Variants in CDKL4 observed in about 807,000 individuals in gnomAD.
CDKL4 encodes cyclin dependent kinase like 4.
In CDKL4, 44 loss-of-function variants were observed where a neutral mutation model predicts 42.0. The ratio of observed to expected loss-of-function variants is 1.05; its 90% confidence interval spans 0.82 to 1.35. The LOEUF (loss-of-function observed/expected upper bound fraction) is 1.35. Among genes scored for constraint, CDKL4 ranks in the 40% most tolerant of loss-of-function variants. CDKL4 has a pLI of 0.00. For missense variants in CDKL4, 393 were observed against 369.9 expected (o/e 1.06, Z -0.51); for synonymous variants, 120 against 121.6 (o/e 0.99, Z 0.09).
rs575456609 is a variant in CDKL4 at position 39,212,752 on chromosome 2, T to G, written c.363+648A>C. ...TCAGCTCACTGCAACCTCTGCCTCC[T>G]GGGTTCAAGTGATTCTCCAGCTCCA... On this transcript the variant is annotated intron_variant, in intron 4 of 9. Transcript: ENST00000451199. Among the ~76,000 whole-genome samples the G allele has an allele frequency of 6.2e-4, 95 of 152,260 alleles. 1 individual carries two copies. The highest frequency in any genetic ancestry group is 2.1e-3 in the African/African-American group (89 of 41,554).
chr2:39,246,407 T>A (rs4488638), upstream of CDKL4, among the ~76,000 whole-genome samples: 1 of 152,064 alleles, frequency 6.6e-6, no homozygotes, highest in Admixed American at 6.5e-5. Context: ...TATCACCTTA[T>A]GTACAAATCC....
intron 1 of CDKL4, among the ~76,000 whole-genome samples, 185 bp from the exon 2 acceptor site, chr2:39,229,773 A>G (rs1678981000): frequency 6.6e-6 from 1 of 152,230 alleles, no homozygotes; most frequent in African/African-American, 2.4e-5. Context: ...CCAGCTATCA[A>G]AAGATTTCAT....
At position 39,185,184 on chromosome 2, in the gene CDKL4, G is replaced by A. The variant is rs1366071362; in HGVS notation, c.736-537C>T. Among the ~76,000 whole-genome samples the A allele has an allele frequency of 7.4e-4, 77 of 104,228 alleles. 4 individuals carry two copies. The highest frequency in any genetic ancestry group is 3.2e-3 in the African/African-American group (68 of 21,334). The allele number at this position is 104,228 out of a possible 152,430, so 68.4% of individuals were successfully genotyped here. On this transcript the variant is annotated intron_variant, in intron 7 of 9. Coordinates refer to ENST00000451199, the Ensembl canonical transcript of CDKL4. ...CACATATGTATATATATACATATGT[G>A]TATATACATATATATACACATACGT...
chr2:39,210,849 G>A (rs554389344), intron 4 of CDKL4, among the ~76,000 whole-genome samples: 2 of 152,228 alleles, frequency 1.3e-5, no homozygotes, highest in East Asian at 3.9e-4. Flanking sequence ...TGTATTTTGT[G>A]AAAAATATCC....
At chr2:39,210,063 T>C (rs1013858652) in intron 4 of CDKL4, among the ~76,000 whole-genome samples, 5 of 152,162 alleles carry the variant, frequency 3.3e-5, no homozygotes, top group African/African-American at 4.8e-5. Context: ...TCTTAGCTCA[T>C]TGTAACCTCT....
intron 1 of CDKL4, among the ~76,000 whole-genome samples, chr2:39,243,032 A>C (rs1679737049): frequency 7.2e-6 from 1 of 139,066 alleles, no homozygotes; most frequent in Non-Finnish European, 1.5e-5. Flanking sequence ...CTGGGAGGTC[A>C]AGGTTGCTGA....
chr2:39,180,722 G>A (rs1294631488), intron 8 of CDKL4, among the ~76,000 whole-genome samples: 8 of 131,508 alleles, frequency 6.1e-5, no homozygotes, highest in African/African-American at 2.1e-4. Context: ...ACAAAGTCTC[G>A]TTCTGTCACC....
chr2:39,206,201 G>T (rs1677177371), intron 4 of CDKL4, among the ~76,000 whole-genome samples: 1 of 151,916 alleles, frequency 6.6e-6, no homozygotes, highest in Non-Finnish European at 1.5e-5. Flanking sequence ...CTACGGATGT[G>T]TCCCGAGTAG....
chr2:39,217,353 AGG>A (rs1265924263), intron 3 of CDKL4, among the ~76,000 whole-genome samples: 29 of 152,338 alleles, frequency 1.9e-4, no homozygotes, highest in African/African-American at 6.5e-4. Context: ...CTAACAAGAT[AGG>A]GTAACATGAT....
chr2:39,210,888 T>A (rs1469663049), intron 4 of CDKL4, among the ~76,000 whole-genome samples: 1 of 152,220 alleles, frequency 6.6e-6, no homozygotes, highest in Non-Finnish European at 1.5e-5. Context: ...TAAAAGCTTT[T>A]GATTTAACCT....
chr2:39,199,208 T>G (rs1676699872), intron 5 of CDKL4, among the ~76,000 whole-genome samples: 1 of 151,960 alleles, frequency 6.6e-6, no homozygotes, highest in African/African-American at 2.4e-5. Context: ...CTCCTATGAA[T>G]ACCTTTACGT....
chr2:39,238,190 G>C (rs965691666), intron 1 of CDKL4, among the ~76,000 whole-genome samples: 1 of 152,174 alleles, frequency 6.6e-6, no homozygotes, highest in African/African-American at 2.4e-5. Context: ...CAGCTCTTTG[G>C]GAGGCTGAGG....
intron 3 of CDKL4, among the ~76,000 whole-genome samples, chr2:39,217,255 C>T (rs60422027): frequency 0.03 from 4,545 of 152,194 alleles, 223 homozygotes; most frequent in African/African-American, 0.1. Flanking sequence ...CAAAAGTAAC[C>T]GAGGTTCTTG....
At chr2:39,244,032 G>T (rs973269952), upstream of CDKL4, among the ~76,000 whole-genome samples, 3 of 152,216 alleles carry the variant, frequency 2.0e-5, no homozygotes, top group South Asian at 4.1e-4. Context: ...TAGGGCGCGC[G>T]GGGCACTGCG....
chr2:39,229,273 G>T, intron 2 of CDKL4, 92 bp downstream of exon 2: 1 of 925,610 alleles, frequency 1.1e-6, no homozygotes, highest in Non-Finnish European at 1.6e-6. Context: ...TAAGTCCAAT[G>T]GGGGGAAAAT....
intron 8 of CDKL4, 31 bp downstream of exon 8, chr2:39,184,559 GC>G: frequency 6.6e-7 from 1 of 1,507,906 alleles, no homozygotes; most frequent in Non-Finnish European, 9.2e-7. Context: ...ACAATTTATA[GC>G]TAATAAGAGT....
At chr2:39,169,797 ATTATT>A in the CDKL4 span, among the ~76,000 whole-genome samples, 69 of 152,106 alleles carry the variant, frequency 4.5e-4, no homozygotes, top group African/African-American at 1.7e-3. Flanking sequence ...GACCACTCTT[ATTATT>A]TTATTTTATT....
At chr2:39,220,926 T>G (rs1678281207) in intron 3 of CDKL4, among the ~76,000 whole-genome samples, 1 of 135,966 alleles carries the variant, frequency 7.4e-6, no homozygotes, top group African/African-American at 2.7e-5. Context: ...TTGGGTCCCT[T>G]CATTATCTCA....
chr2:39,180,479 C>A (rs2148280842), intron 8 of CDKL4, among the ~76,000 whole-genome samples: 1 of 152,184 alleles, frequency 6.6e-6, no homozygotes, highest in South Asian at 2.1e-4. Flanking sequence ...GTCACCTGGC[C>A]CTTGGCGAGG....
Sources: gnomAD v4.1 joint callset for allele counts (sites outside exome capture counted in the v4.1 genomes callset) on GRCh38, gnomAD v4.1.1 for gene constraint, MANE v1.5 for transcripts, NCBI Gene and HGNC (gene_info 2026-07-23, HGNC 2026-07-21) for gene names.